NCAM1: variants seen among roughly 807,000 people sequenced by gnomAD.
The protein encoded by NCAM1 is antigen recognized by monoclonal antibody 5.1H11.
Under a neutral mutation model 109.8 loss-of-function variants are expected in NCAM1, and 14 were observed. The observed-to-expected ratio is 0.13, with a 90% CI of 0.08 to 0.20. The LOEUF (loss-of-function observed/expected upper bound fraction) is 0.20, where lower values mean the gene tolerates loss of function less well. NCAM1 is among the 10% of genes least tolerant of loss of function. NCAM1 has a pLI of 1.00. For missense variants in NCAM1, 774 were observed against 1,109.9 expected (o/e 0.70, Z 4.30); for synonymous variants, 418 against 442.9 (o/e 0.94, Z 0.70).
chr11:112,976,932 G>A (rs1951023685), intron 1 of NCAM1, among the ~76,000 whole-genome samples: 1 of 151,656 alleles, frequency 6.6e-6, no homozygotes, highest in South Asian at 2.1e-4. Flanking sequence ...AAATGTTTGA[G>A]TTTTCAATGA....
chr11:113,182,857 G>A (rs2136608096), intron 1 of NCAM1, among the ~76,000 whole-genome samples: 1 of 152,326 alleles, frequency 6.6e-6, no homozygotes, highest in South Asian at 2.1e-4. Context: ...GGTGGCTTGG[G>A]ACCTCTGATG....
intron 1 of NCAM1, among the ~76,000 whole-genome samples, chr11:113,178,621 A>T (rs1428427898): frequency 6.6e-6 from 1 of 152,158 alleles, no homozygotes; most frequent in Non-Finnish European, 1.5e-5. Context: ...TTTCTGGCAG[A>T]TGGAGGGTAA....
rs1946367956 is a variant in NCAM1, at chr11:113,274,740, G to A, written c.2457-527G>A. On this transcript the variant is annotated intron_variant, in intron 19 of 19. Coordinates refer to ENST00000316851, the MANE Select transcript of NCAM1 (RefSeq NM_181351.5). The surrounding 1 kb of genome is among the most constrained non-coding windows in gnomAD (Gnocchi z 4.1). ...TCACCCTACCCAGGCAGGCCCTAGA[G>A]GCATCATCCTGCAACAGCACAGGGT... Among the ~76,000 whole-genome samples, 1 of 152,208 alleles carries A rather than the reference G, an allele frequency of 6.6e-6. No homozygotes were observed. Among genetic ancestry groups the A allele is most frequent in the African/African-American group, 2.4e-5 (1 of 41,466 alleles).
chr11:113,270,133 C>G (rs1218396436), intron 17 of NCAM1, 55 bp from the exon 18 acceptor site: 5 of 1,568,000 alleles, frequency 3.2e-6, no homozygotes, highest in African/African-American at 2.7e-5. Context: ...CTGGCAGGGT[C>G]TGGAGGTCTC....
chr11:113,188,690 C>G (rs1163389775), intron 1 of NCAM1, among the ~76,000 whole-genome samples: 1 of 152,104 alleles, frequency 6.6e-6, no homozygotes, highest in Non-Finnish European at 1.5e-5. Context: ...GACTGGTGAC[C>G]TGGGTTCTTT....
At chr11:113,211,843 C>G (rs539283173) in intron 7 of NCAM1, among the ~76,000 whole-genome samples, 7 of 152,266 alleles carry the variant, frequency 4.6e-5, no homozygotes, top group African/African-American at 1.7e-4. Context: ...GACAAGGCTG[C>G]CTCTTAGTGG....
chr11:113,050,106 C>T (rs868944762), intron 1 of NCAM1, among the ~76,000 whole-genome samples: 6 of 110,842 alleles, frequency 5.4e-5, no homozygotes, highest in Non-Finnish European at 1.0e-4. Context: ...GTGGTGAGAA[C>T]GCATGGTGTG....
At chr11:113,113,517 G>C (rs1438825335) in intron 1 of NCAM1, among the ~76,000 whole-genome samples, 3 of 152,038 alleles carry the variant, frequency 2.0e-5, no homozygotes, top group Non-Finnish European at 2.9e-5. Flanking sequence ...TCACTCCTTG[G>C]AATGTTCTGA....
chr11:113,026,241 C>T (rs782259474), intron 1 of NCAM1, among the ~76,000 whole-genome samples: 1 of 152,176 alleles, frequency 6.6e-6, no homozygotes, highest in Non-Finnish European at 1.5e-5. Flanking sequence ...TTTTCTTTCT[C>T]ATTACCCAAC....
chr11:113,004,164 G>T (rs919887790), intron 1 of NCAM1, among the ~76,000 whole-genome samples: 1 of 152,090 alleles, frequency 6.6e-6, no homozygotes, highest in Non-Finnish European at 1.5e-5. Flanking sequence ...TTTTTCTTCT[G>T]CTGTGTGTAC....
rs1249784566 is a variant in NCAM1 at position 113,255,516 on chromosome 11, C to G, written c.1829-361C>G. Among the ~76,000 whole-genome samples the G allele has an allele frequency of 2.8e-5, 4 of 143,564 alleles. No individual in the cohort carries two copies. In the Admixed American group the frequency reaches 2.9e-4, roughly 11 times the overall value. 94.2% of individuals were successfully genotyped at this position (143,564 alleles called of 152,430 possible). A position where few individuals can be genotyped will look rare whatever the true frequency, so the allele number is the denominator to read the frequency against. ...TTTTCTCCTATTTCAGGCTGTTCCT[C>G]AAGATGTGTCAGGCTTATAAAAATT... On this transcript the variant is annotated intron_variant, in intron 15 of 19. Coordinates refer to ENST00000316851, the MANE Select transcript of NCAM1 (RefSeq NM_181351.5).
intron 1 of NCAM1, among the ~76,000 whole-genome samples, chr11:113,146,804 C>T (rs1338379861): frequency 1.3e-5 from 2 of 151,690 alleles, no homozygotes; most frequent in Non-Finnish European, 2.9e-5. Context: ...CTTAGCAGGT[C>T]GGTTTGCCTA....
intron 9 of NCAM1, among the ~76,000 whole-genome samples, chr11:113,227,634 G>A (rs1944890083): frequency 1.3e-5 from 2 of 152,142 alleles, no homozygotes; most frequent in African/African-American, 4.8e-5. Context: ...AACAGAAAAA[G>A]AGAATTTTAG....
intron 1 of NCAM1, among the ~76,000 whole-genome samples, chr11:113,036,880 C>T (rs1403899681): frequency 6.6e-6 from 1 of 152,106 alleles, no homozygotes; most frequent in Non-Finnish European, 1.5e-5. Context: ...GCTTCTTGAT[C>T]CCTGGCCCAG....
At chr11:113,174,374 ATG>A (rs1555106714) in intron 1 of NCAM1, among the ~76,000 whole-genome samples, 1 of 152,230 alleles carries the variant, frequency 6.6e-6, no homozygotes, top group African/African-American at 2.4e-5. Context: ...TCATTTAGTA[ATG>A]TTGGTGCAAA....
intron 1 of NCAM1, among the ~76,000 whole-genome samples, chr11:113,078,140 T>G (rs1478246330): frequency 6.6e-6 from 1 of 152,194 alleles, no homozygotes; most frequent in Non-Finnish European, 1.5e-5. Flanking sequence ...TCGGCAGGAC[T>G]GTGGTCCCTC....
rs782534608 is a variant in NCAM1, at chr11:113,214,482, T to G, written c.1030T>G (p.Ser344Ala). ...DPIPSITWRT[S>A]TRNISSEEKA... ...CATTCCCTCCATCACCTGGAGGACT[T>G]CTACCCGGAACATCAGCAGCGAAGA... The change falls in exon 8 of 20, where the codon TCT becomes GCT. Residue 344 changes from serine (S) to alanine (A), a missense_variant. Transcript: ENST00000316851. 6.2e-7 allele frequency: 1 copy of G among 1,611,582 alleles called. No homozygotes were observed. The highest frequency in any genetic ancestry group is 1.3e-5 in the African/African-American group (1 of 74,912).
chr11:113,214,339 T>C (rs782440279), intron 7 of NCAM1, 30 bp from the exon 8 acceptor site: 1 of 1,610,506 alleles, frequency 6.2e-7, no homozygotes, highest in African/African-American at 1.3e-5. Context: ...AATAATTAGA[T>C]AAACTCAGAG....
At chr11:113,216,824 T>C (rs1565506094) in intron 8 of NCAM1, among the ~76,000 whole-genome samples, 1 of 152,210 alleles carries the variant, frequency 6.6e-6, no homozygotes, top group African/African-American at 2.4e-5. Context: ...AAGAGGCGTA[T>C]TGTCCATCTT....
Sources: allele counts gnomAD v4.1 joint callset (sites outside exome capture counted in the v4.1 genomes callset), GRCh38; gene constraint gnomAD v4.1.1; non-coding constraint Gnocchi (gnomAD v3.1); transcripts MANE v1.5; gene names NCBI Gene and HGNC (gene_info 2026-07-23, HGNC 2026-07-21).